TOP2B: variants seen among roughly 807,000 people sequenced by gnomAD.
The protein encoded by TOP2B is DNA topoisomerase 2-beta.
In TOP2B, 51 loss-of-function variants were observed where a neutral mutation model predicts 193.5. The ratio of observed to expected loss-of-function variants is 0.26; its 90% CI spans 0.21 to 0.33. The LOEUF is 0.33. Among genes scored for constraint, TOP2B ranks in the 10% least tolerant of loss-of-function variants. The pLI, the probability that TOP2B is intolerant of heterozygous loss-of-function variation, is 1.00. For synonymous variants in TOP2B, 634 were observed against 635.7 expected, an observed-to-expected ratio of 1.00 and a Z score of 0.04; for missense variants, 1,378 against 1,909.3, an observed-to-expected ratio of 0.72 and a Z score of 5.19.
At chr3:25,625,719 C>T (rs1215347253) in intron 18 of TOP2B, among the ~76,000 whole-genome samples, 2 of 152,144 alleles carry the variant, frequency 1.3e-5, no homozygotes, top group African/African-American at 4.8e-5. Context: ...CACCCTGGCT[C>T]TAGGCCAATA....
At chr3:25,654,516 A>T (rs1703689946) in intron 1 of TOP2B, among the ~76,000 whole-genome samples, 2 of 152,200 alleles carry the variant, frequency 1.3e-5, no homozygotes, top group African/African-American at 4.8e-5. Context: ...ATCCAAAGTG[A>T]TCTACAGATT....
intron 4 of TOP2B, among the ~76,000 whole-genome samples, chr3:25,638,868 T>G (rs1039675840): frequency 6.6e-6 from 1 of 152,216 alleles, no homozygotes; most frequent in African/African-American, 2.4e-5. Flanking sequence ...TATTCAGAAT[T>G]TTATAACTTT....
Position 25,626,757 on chromosome 3 carries a change from C to T in TOP2B, c.2109+15G>A, listed in dbSNP as rs1240290899. 3 of 1,591,394 alleles carry T rather than the reference C, an allele frequency of 1.9e-6. No individual in the cohort carries two copies. In the African/African-American group the frequency reaches 4.0e-5, roughly 21 times the overall value. On this transcript the variant is annotated intron_variant, in intron 17 of 35. Coordinates refer to ENST00000264331, the MANE Select transcript of TOP2B (RefSeq NM_001330700.2). ...CTCTCCTTCTTTCCCCAGGTCACCACTCTTTAAGACTAACCTCTGGTAAGC... is the reference window on the plus strand; with the variant it reads ...CTCTCCTTCTTTCCCCAGGTCACCATTCTTTAAGACTAACCTCTGGTAAGC...
At chr3:25,612,231 C>T (rs1022816732) in intron 28 of TOP2B, among the ~76,000 whole-genome samples, 4 of 152,018 alleles carry the variant, frequency 2.6e-5, no homozygotes, top group Non-Finnish European at 5.9e-5. Context: ...CGTGAGCCAC[C>T]GTGCCCGGCC....
At chr3:25,634,944 C>G (rs1311061663) in intron 7 of TOP2B, among the ~76,000 whole-genome samples, 1 of 151,998 alleles carries the variant, frequency 6.6e-6, no homozygotes, top group Non-Finnish European at 1.5e-5. Context: ...TTATAAAGGT[C>G]AAACCCCTGA....
chr3:25,635,729 T>C (rs757687870), intron 7 of TOP2B, among the ~76,000 whole-genome samples: 6 of 151,832 alleles, frequency 4.0e-5, no homozygotes, highest in Non-Finnish European at 8.8e-5. Flanking sequence ...TAATGTAACA[T>C]ATATATAACC....
intron 1 of TOP2B, among the ~76,000 whole-genome samples, chr3:25,648,936 T>C (rs1207543050): frequency 6.6e-6 from 1 of 152,142 alleles, no homozygotes; most frequent in African/African-American, 2.4e-5. Context: ...AGAATTCAAA[T>C]TAACTGCCAT....
intron 35 of TOP2B, 91 bp from the exon 36 acceptor site, chr3:25,598,568 G>A: frequency 1.0e-6 from 1 of 979,430 alleles, no homozygotes; most frequent in Non-Finnish European, 1.4e-6. Context: ...CTTATGTTTA[G>A]GAAGTATTAC....
intron 1 of TOP2B, among the ~76,000 whole-genome samples, chr3:25,651,885 A>G (rs1703601853): frequency 6.6e-6 from 1 of 152,022 alleles, no homozygotes; most frequent in South Asian, 2.1e-4. Context: ...AAAAAGATTA[A>G]GTGCCCAAAT....
intron 6 of TOP2B, 73 bp downstream of exon 6, chr3:25,637,142 C>A: frequency 1.7e-6 from 2 of 1,195,524 alleles, no homozygotes; most frequent in South Asian, 1.4e-5. Flanking sequence ...TGCAATTTAC[C>A]CAAGGTTCTA....
chr3:25,640,663 T>A (rs566358409), intron 4 of TOP2B, among the ~76,000 whole-genome samples: 1 of 151,900 alleles, frequency 6.6e-6, no homozygotes, highest in East Asian at 1.9e-4. Flanking sequence ...TTACTCTTTC[T>A]ACAAAATCTG....
At position 25,598,392 on chromosome 3, in the gene TOP2B, C is replaced by T. The variant is rs184041688; in HGVS notation, c.4796G>A (p.Arg1599Gln). The T allele has an allele frequency of 9.3e-6, 15 of 1,613,516 alleles. No homozygotes were observed. The highest frequency in any genetic ancestry group is 5.3e-5 in the African/African-American group (4 of 75,018). The change falls in exon 36 of 36, where the codon CGA (arginine) becomes CAA (glutamine). Residue 1599 changes from arginine to glutamine, a missense_variant. By Grantham distance (43) the Arg-to-Gln change is conservative (BLOSUM62 1). Around this residue, in one of 9 missense-constraint regions of TOP2B, gnomAD observed 556 missense variants for 584.2 expected, o/e 0.95. Coordinates refer to ENST00000264331, the MANE Select transcript of TOP2B (RefSeq NM_001330700.2). The stretch of plus-strand genomic sequence containing the variant: ...TACTTCTTTCCTAGCCCGACCGGTT[C>T]GTGGCAGAGAAGGTGGCTCAGTAGG... ...DFPTEPPSLP[R>Q]TGRARKEVKY...
At chr3:25,613,072 A>G (rs1702417884) in intron 27 of TOP2B, among the ~76,000 whole-genome samples, 2 of 152,218 alleles carry the variant, frequency 1.3e-5, no homozygotes, top group Admixed American at 1.3e-4. Context: ...AGTTCTGCTA[A>G]TAAGTATGAA....
chr3:25,617,526 G>C (rs1374189390), intron 25 of TOP2B, among the ~76,000 whole-genome samples: 2 of 152,050 alleles, frequency 1.3e-5, no homozygotes. Flanking sequence ...AATGTAGTTT[G>C]ATAAAAAATA....
intron 1 of TOP2B, among the ~76,000 whole-genome samples, chr3:25,651,351 C>G (rs2125403815): frequency 6.6e-6 from 1 of 151,130 alleles, no homozygotes; most frequent in South Asian, 2.1e-4. Context: ...TTTTTATCAC[C>G]TGAAGATATG....
intron 4 of TOP2B, among the ~76,000 whole-genome samples, chr3:25,640,936 T>C (rs1283949335): frequency 6.6e-6 from 1 of 151,656 alleles, no homozygotes; most frequent in African/African-American, 2.4e-5. Context: ...ATTTTGGTGT[T>C]TTTGTTTGTT....
intron 1 of TOP2B, among the ~76,000 whole-genome samples, chr3:25,657,332 C>T (rs1045388780): frequency 1.3e-5 from 2 of 152,124 alleles, no homozygotes; most frequent in African/African-American, 2.4e-5. Context: ...AACAGGTATG[C>T]ATATTTAATA....
At chr3:25,626,984 A>C (rs1406506132) in intron 16 of TOP2B, 120 bp from the exon 17 acceptor site, 1 of 733,928 alleles carries the variant, frequency 1.4e-6, no homozygotes. Flanking sequence ...GTTATTTTAC[A>C]ATATTTTAAT....
chr3:25,624,910 T>C, intron 18 of TOP2B, 107 bp from the exon 19 acceptor site: 3 of 1,094,044 alleles, frequency 2.7e-6, no homozygotes, highest in Non-Finnish European at 3.9e-6. Flanking sequence ...CCAGTAAAAT[T>C]GTTACTTGAG....
Sources: allele counts gnomAD v4.1 joint callset (sites outside exome capture counted in the v4.1 genomes callset), GRCh38; gene constraint gnomAD v4.1.1; regional missense constraint gnomAD v4.1.1; transcripts MANE v1.5; gene names NCBI Gene and HGNC (gene_info 2026-07-23, HGNC 2026-07-21).